The following TENM2 variants were observed in gnomAD, a reference collection of about 807,000 sequenced individuals.
TENM2 encodes teneurin-2.
A neutral mutation model predicts 245.2 loss-of-function variants in TENM2; 52 were observed. The observed-to-expected ratio is 0.21, with a 90% CI of 0.17 to 0.27. The LOEUF is 0.27. TENM2 is among the 10% of genes least tolerant of loss of function. TENM2 has a pLI of 1.00. For missense variants in TENM2, 3,046 were observed against 3,666.8 expected, an observed-to-expected ratio of 0.83 and a Z score of 4.37; for synonymous variants, 1,363 against 1,438.9, an observed-to-expected ratio of 0.95 and a Z score of 1.19.
At chr5:167,084,355 A>ATGTG in the TENM2 span, among the ~76,000 whole-genome samples, 1 of 109,348 alleles carries the variant, frequency 9.1e-6, no homozygotes, top group African/African-American at 3.4e-5. Context: ...ATATATATAT[A>ATGTG]TATATATATA....
rs368703929 is a variant in TENM2 at position 168,065,715 on chromosome 5, A to G, written c.1515+3450A>G. On this transcript the variant is annotated intron_variant, in intron 7 of 28. Coordinates refer to ENST00000518659, the Ensembl canonical transcript of TENM2. ...AAAGTTTTACAAACAGAGAAACAAAAGAAAAAAGTAAAAACACTCCTAATA... is the reference window on the plus strand; with the variant it reads ...AAAGTTTTACAAACAGAGAAACAAAGGAAAAAAGTAAAAACACTCCTAATA... Among the ~76,000 whole-genome samples the G allele has an allele frequency of 3.9e-5, 6 of 152,072 alleles. No individual in the cohort carries two copies. In the East Asian group the frequency reaches 5.8e-4, roughly 15 times the overall value.
chr5:167,188,109 A>T, the TENM2 span, among the ~76,000 whole-genome samples: 4 of 152,142 alleles, frequency 2.6e-5, no homozygotes, highest in African/African-American at 4.8e-5. Flanking sequence ...AGCTCTAAGA[A>T]CCTTGTCAAA....
chr5:167,859,387 T>C (rs1241928978), intron 2 of TENM2, among the ~76,000 whole-genome samples: 70 of 105,706 alleles, frequency 6.6e-4, no homozygotes, highest in Middle Eastern at 6.1e-3. Flanking sequence ...GTGGGGGGGG[T>C]CAGCCCCCCG....
the TENM2 span, among the ~76,000 whole-genome samples, chr5:167,179,277 GA>G: frequency 1.3e-5 from 2 of 152,222 alleles, no homozygotes; most frequent in Admixed American, 6.5e-5. Flanking sequence ...AATTAAGGGG[GA>G]AAAAATTGGC....
At chr5:167,458,494 CAAAAA>C (rs70976430) in intron 2 of TENM2, among the ~76,000 whole-genome samples, 1 of 82,012 alleles carries the variant, frequency 1.2e-5, no homozygotes, top group Admixed American at 1.5e-4. Context: ...CTCAAAAAAA[CAAAAA>C]AAAAAAAAAA....
chr5:168,234,345 G>A (rs187512805), intron 25 of TENM2, among the ~76,000 whole-genome samples: 8 of 152,214 alleles, frequency 5.3e-5, no homozygotes, highest in Non-Finnish European at 8.8e-5. Context: ...AGGGAGCTGG[G>A]GATCTGTGAT....
chr5:168,126,083 G>A (rs576095827), intron 11 of TENM2, among the ~76,000 whole-genome samples: 17 of 152,296 alleles, frequency 1.1e-4, no homozygotes, highest in Admixed American at 3.9e-4. Context: ...CTGTCTGTCT[G>A]CCTCCTCCCC....
intron 3 of TENM2, among the ~76,000 whole-genome samples, chr5:167,918,780 T>C (rs1777139128): frequency 6.6e-6 from 1 of 151,812 alleles, no homozygotes; most frequent in Non-Finnish European, 1.5e-5. Flanking sequence ...TCTCCTTTTT[T>C]TTTTTTTTTT....
At chr5:168,184,692 C>T (rs190400773) in intron 13 of TENM2, among the ~76,000 whole-genome samples, 1 of 152,316 alleles carries the variant, frequency 6.6e-6, no homozygotes, top group African/African-American at 2.4e-5. Context: ...CATGGTTCAG[C>T]CAACTCCAAA....
chr5:167,794,007 G>C (rs934011620), intron 2 of TENM2, among the ~76,000 whole-genome samples: 2 of 151,646 alleles, frequency 1.3e-5, no homozygotes, highest in Non-Finnish European at 2.9e-5. Flanking sequence ...CCCCAAATTT[G>C]AGAAGTAAGA....
chr5:168,188,366 A>C (rs77818079), intron 13 of TENM2, among the ~76,000 whole-genome samples: 61 of 152,312 alleles, frequency 4.0e-4, no homozygotes, highest in South Asian at 8.3e-4. Flanking sequence ...GGTGCAAGCA[A>C]GTTATTCTCC....
chr5:167,342,085 G>A (rs764763604), intron 1 of TENM2, among the ~76,000 whole-genome samples: 2 of 152,244 alleles, frequency 1.3e-5, no homozygotes, highest in East Asian at 3.9e-4. Context: ...CAATAGTATG[G>A]TGTCACGATT....
chr5:167,940,030 T>G (rs1202969616), intron 3 of TENM2, among the ~76,000 whole-genome samples: 1 of 152,140 alleles, frequency 6.6e-6, no homozygotes. Flanking sequence ...TGTAAGGCAT[T>G]TGTTGTCGTG....
intron 5 of TENM2, 75 bp downstream of exon 7, chr5:167,993,257 A>G (rs1201333072): frequency 5.0e-6 from 6 of 1,202,134 alleles, no homozygotes; most frequent in Non-Finnish European, 7.2e-6. Flanking sequence ...TTGTGAATCT[A>G]GAGGCCCTCT....
chr5:167,238,183 G>T, the TENM2 span, among the ~76,000 whole-genome samples: 2 of 151,950 alleles, frequency 1.3e-5, no homozygotes, highest in African/African-American at 2.4e-5. Context: ...CCATAAGAGC[G>T]TTATACAATT....
At chr5:167,756,757 T>C (rs2150681102) in intron 2 of TENM2, among the ~76,000 whole-genome samples, 1 of 152,118 alleles carries the variant, frequency 6.6e-6, no homozygotes, top group East Asian at 1.9e-4. Flanking sequence ...ACCAAGCACC[T>C]AGGAACACAT....
the TENM2 span, among the ~76,000 whole-genome samples, chr5:167,067,068 CATT>C: frequency 3.9e-5 from 6 of 152,102 alleles, no homozygotes; most frequent in Non-Finnish European, 7.4e-5. Flanking sequence ...CTAAAACAAA[CATT>C]ATTCTAGGCA....
At chr5:167,214,054 C>G in the TENM2 span, among the ~76,000 whole-genome samples, 1 of 152,170 alleles carries the variant, frequency 6.6e-6, no homozygotes. Flanking sequence ...TGTCGATCAA[C>G]ATGGGAAGAA....
intron 2 of TENM2, among the ~76,000 whole-genome samples, chr5:167,688,234 G>A (rs929063013): frequency 3.3e-5 from 5 of 152,134 alleles, no homozygotes; most frequent in Admixed American, 1.3e-4. Context: ...TGTGTATTTT[G>A]AAACAGCAAT....
Sources: gnomAD v4.1 joint callset for allele counts (sites outside exome capture counted in the v4.1 genomes callset) on GRCh38, gnomAD v4.1.1 for gene constraint, MANE v1.5 for transcripts, NCBI Gene and HGNC (gene_info 2026-07-23, HGNC 2026-07-21) for gene names.